NOD1: variants seen among roughly 807,000 people sequenced by gnomAD.
NOD1 encodes the protein nucleotide binding oligomerization domain containing 1, also known as nucleotide-binding oligomerization domain-containing protein 1.
A neutral mutation model predicts 81.2 loss-of-function variants in NOD1; 70 were observed. The ratio of observed to expected loss-of-function variants is 0.86; its 90% CI spans 0.71 to 1.05. The LOEUF (loss-of-function observed/expected upper bound fraction) is 1.05, where lower values mean the gene tolerates loss of function less well. NOD1 is among the 50% of genes least tolerant of loss of function. NOD1 has a pLI of 0.00. For missense variants in NOD1, 1,233 were observed against 1,228.0 expected, an observed-to-expected ratio of 1.00 and a Z score of -0.06; for synonymous variants, 508 against 526.9, an observed-to-expected ratio of 0.96 and a Z score of 0.49.
rs1023012179 is a variant in NOD1 at position 30,460,694 on chromosome 7, G to T, written c.-351-653C>A. 3 of 985,276 alleles carry T rather than the reference G, an allele frequency of 3.0e-6. No individual in the cohort carries two copies. In the African/African-American group the frequency reaches 5.2e-5, roughly 17 times the overall value. 61.0% of individuals were successfully genotyped at this position (985,276 alleles called of 1,614,324 possible). A position where few individuals can be genotyped will look rare whatever the true frequency, so the allele number is the denominator to read the frequency against. On this transcript the variant is annotated intron_variant, in intron 1 of 13. Coordinates refer to ENST00000222823, the MANE Select transcript of NOD1 (RefSeq NM_006092.4). ...CCATCTCCTGAGGCAAAGGCAGGTG[G>T]GGGTAGAGCCTGTGGGCAGTGAGGG...
intron 1 of NOD1, among the ~76,000 whole-genome samples, chr7:30,461,267 T>TC: frequency 6.6e-6 from 1 of 152,252 alleles, no homozygotes; most frequent in Non-Finnish European, 1.5e-5. Flanking sequence ...AGCCTCCGCC[T>TC]CCCAGGTTCA....
rs935090119 is a variant in NOD1, at chr7:30,478,443, T to C, written c.-352+163A>G. Among the ~76,000 whole-genome samples, 1 of 152,190 alleles carries C rather than the reference T, an allele frequency of 6.6e-6. No homozygotes were observed. Among genetic ancestry groups the C allele is most frequent in the Admixed American group, 6.5e-5 (1 of 15,280 alleles). ...TCCCTCTCAACTTTCGCTACATGCT[T>C]CAAACTCGCGGGTTTCTCCGCTTGG... On this transcript the variant is annotated intron_variant, in intron 1 of 13. Transcript: ENST00000222823. This position sits in a 1 kb window ranked among gnomAD's most constrained non-coding sequence, Gnocchi z 4.1.
rs1195820123 is a variant in NOD1 at position 30,478,230 on chromosome 7, T to C, written c.-352+376A>G. 6.6e-6 allele frequency among the ~76,000 whole-genome samples: 1 copy of C among 152,192 alleles called. No homozygotes were observed. ...AACGCTGGCTGCACACTGGAATCAC[T>C]TGGGGAGCTTTTAAAAGATACGGAG... On this transcript the variant is annotated intron_variant, in intron 1 of 13. Transcript: ENST00000222823. The surrounding 1 kb of genome is among the most constrained non-coding windows in gnomAD (Gnocchi z 4.1).
In NOD1 at chr7:30,425,563, C is replaced by T. The variant is rs556790208; in HGVS notation, c.*75G>A. The T allele has an allele frequency of 4.6e-6, 5 of 1,087,078 alleles. No homozygotes were observed. The African/African-American group carries it at 4.6e-5, about 10-fold the overall frequency. 67.3% of individuals were successfully genotyped at this position (1,087,078 alleles called of 1,614,324 possible). The stretch of plus-strand genomic sequence containing the variant: ...TGCGCAGGCCCCTTTAAGACACTGA[C>T]ACAAAAGACTGCCCAGAGTGGCATT... On this transcript the variant is annotated 3_prime_UTR_variant, in exon 14 of 14. Coordinates refer to ENST00000222823, the MANE Select transcript of NOD1 (RefSeq NM_006092.4).
At chr7:30,438,510 A>C (rs1485644241) in intron 9 of NOD1, among the ~76,000 whole-genome samples, 1 of 152,202 alleles carries the variant, frequency 6.6e-6, no homozygotes, top group African/African-American at 2.4e-5. Flanking sequence ...TCCTAATAGG[A>C]TCAGCACACA....
chr7:30,426,075 T>C (rs768555835), intron 13 of NOD1, among the ~76,000 whole-genome samples: 3 of 152,176 alleles, frequency 2.0e-5, no homozygotes, highest in Non-Finnish European at 2.9e-5. Flanking sequence ...ATTTTTCTCC[T>C]GCATCTGAGC....
chr7:30,477,806 C>T (rs1235470747), intron 1 of NOD1, among the ~76,000 whole-genome samples: 1 of 152,044 alleles, frequency 6.6e-6, no homozygotes, highest in Non-Finnish European at 1.5e-5. Context: ...CAGGCGTGAG[C>T]CACCGCGCCC....
chr7:30,458,597 A>T (rs1413749676), intron 3 of NOD1, among the ~76,000 whole-genome samples: 1 of 152,176 alleles, frequency 6.6e-6, no homozygotes, highest in Admixed American at 6.5e-5. Context: ...TTCTTTTTAG[A>T]ATCCAAATGA....
Position 30,455,142 on chromosome 7 carries a change from T to TAGGAG in NOD1, c.370_371insCTCCT (p.Asp124AlafsTer5), listed in dbSNP as rs1236957596. On this transcript the variant is annotated frameshift_variant, in exon 5 of 14. Coordinates refer to ENST00000222823, the MANE Select transcript of NOD1 (RefSeq NM_006092.4). LOFTEE classifies it high-confidence loss of function. ...TTGCTGGGGCTGACTCCTACCTGGG[T>TAGGAG]CAGTGTTGACCACGACTTTGCTCTG... The TAGGAG allele has an allele frequency of 1.2e-6, 2 of 1,613,660 alleles. No individual in the cohort carries two copies. Among genetic ancestry groups the TAGGAG allele is most frequent in the South Asian group, 2.2e-5 (2 of 91,058 alleles).
intron 1 of NOD1, among the ~76,000 whole-genome samples, chr7:30,462,172 A>G (rs1362903698): frequency 6.6e-6 from 1 of 152,226 alleles, no homozygotes; most frequent in Non-Finnish European, 1.5e-5. Flanking sequence ...TTTATACTCA[A>G]TGTAAAATTC....
At chr7:30,426,306 A>G (rs1422491115) in intron 13 of NOD1, among the ~76,000 whole-genome samples, 3 of 152,076 alleles carry the variant, frequency 2.0e-5, no homozygotes, top group African/African-American at 7.2e-5. Context: ...GGCTTAGTGA[A>G]TGGACCACTC....
rs915707121 is a variant in NOD1, at chr7:30,478,215, G to A, written c.-352+391C>T. Among the ~76,000 whole-genome samples the A allele has an allele frequency of 6.6e-6, 1 of 152,104 alleles. No homozygotes were observed. The highest frequency in any genetic ancestry group is 6.6e-5 in the Admixed American group (1 of 15,258). On this transcript the variant is annotated intron_variant, in intron 1 of 13. Transcript: ENST00000222823. The surrounding 1 kb of genome is among the most constrained non-coding windows in gnomAD (Gnocchi z 4.1). The stretch of plus-strand genomic sequence containing the variant: ...TGCCACAAACCCTCGAACGCTGGCT[G>A]CACACTGGAATCACTTGGGGAGCTT...
chr7:30,472,057 A>C (rs1185695269), intron 1 of NOD1, among the ~76,000 whole-genome samples: 1 of 152,260 alleles, frequency 6.6e-6, no homozygotes, highest in African/African-American at 2.4e-5. Flanking sequence ...ATATAGCTTA[A>C]GAAGTAGAGA....
At chr7:30,433,018 T>G in intron 12 of NOD1, 78 bp downstream of exon 12, 2 of 1,091,320 alleles carry the variant, frequency 1.8e-6, no homozygotes, top group Non-Finnish European at 2.8e-6. Context: ...AGAGTGAATT[T>G]TACAGTATGT....
chr7:30,474,820 C>T (rs1788614781), intron 1 of NOD1, among the ~76,000 whole-genome samples: 1 of 152,158 alleles, frequency 6.6e-6, no homozygotes, highest in Non-Finnish European at 1.5e-5. Context: ...CCATTTCAGC[C>T]CTGCATGTCT....
rs756104363 is a variant in NOD1, at chr7:30,455,233, C to T, written c.280G>A (p.Ala94Thr). The part of the protein sequence containing the change: ...EFFLYLLQQL[A>T]DAYVDLRPWL... The stretch of plus-strand genomic sequence containing the variant: ...GGCCTGAGGTCCACGTAGGCATCTG[C>T]GAGTTGCTGGAGCAAGTAGAGGAAG... The change falls in exon 5 of 14, where the codon GCA becomes ACA. Residue 94 changes from alanine (A) to threonine (T), a missense_variant. Coordinates refer to ENST00000222823, the MANE Select transcript of NOD1 (RefSeq NM_006092.4). The T allele has an allele frequency of 6.2e-6, 10 of 1,614,034 alleles. No homozygotes were observed. Among genetic ancestry groups the T allele is most frequent in the Admixed American group, 1.7e-5 (1 of 60,002 alleles).
intron 6 of NOD1, among the ~76,000 whole-genome samples, chr7:30,450,402 C>T (rs1208111278): frequency 6.6e-6 from 1 of 152,190 alleles, no homozygotes; most frequent in Non-Finnish European, 1.5e-5. Flanking sequence ...GGAGTCAGTT[C>T]CAAATCCCTA....
intron 3 of NOD1, among the ~76,000 whole-genome samples, chr7:30,457,970 G>A (rs1786559035): frequency 6.6e-6 from 1 of 152,170 alleles, no homozygotes; most frequent in South Asian, 2.1e-4. Context: ...GGCATGAAGT[G>A]GGACAGAGGG....
chr7:30,449,157 T>C (rs1372871358), intron 6 of NOD1, among the ~76,000 whole-genome samples: 1 of 152,196 alleles, frequency 6.6e-6, no homozygotes, highest in Admixed American at 6.5e-5. Flanking sequence ...CAAGCTGACC[T>C]TGATAACAAG....
Sources: allele counts gnomAD v4.1 joint callset (sites outside exome capture counted in the v4.1 genomes callset), GRCh38; gene constraint gnomAD v4.1.1; non-coding constraint Gnocchi (gnomAD v3.1); transcripts MANE v1.5; gene names NCBI Gene and HGNC (gene_info 2026-07-23, HGNC 2026-07-21).